Variants in SCFD2 observed in about 807,000 individuals in gnomAD.
SCFD2 encodes sec1 family domain-containing protein 2.
SCFD2 carries 54 observed loss-of-function variants against 58.9 expected under a neutral mutation model. The observed-to-expected ratio is 0.92, with a 90% confidence interval of 0.74 to 1.15. The LOEUF is 1.15. SCFD2 is among the 50% of genes most tolerant of loss of function. SCFD2 has a pLI of 0.00. For missense variants in SCFD2, 805 were observed against 836.6 expected (o/e 0.96, Z 0.47); for synonymous variants, 321 against 335.9 (o/e 0.96, Z 0.49).
chr4:52,910,600 T>A (rs758268418), intron 6 of SCFD2, among the ~76,000 whole-genome samples: 3 of 152,216 alleles, frequency 2.0e-5, no homozygotes, highest in Non-Finnish European at 4.4e-5. Flanking sequence ...TTAAAACTCA[T>A]TAGCAGAATC....
chr4:52,958,793 T>C (rs1378302980), intron 5 of SCFD2, among the ~76,000 whole-genome samples: 1 of 152,216 alleles, frequency 6.6e-6, no homozygotes, highest in African/African-American at 2.4e-5. Context: ...CAAATGGCTC[T>C]TACACTTTTT....
chr4:52,926,759 T>A (rs1000857801), intron 5 of SCFD2, among the ~76,000 whole-genome samples: 1 of 152,062 alleles, frequency 6.6e-6, no homozygotes, highest in African/African-American at 2.4e-5. Context: ...AGGGGCCACC[T>A]CCATGGGCTC....
chr4:52,973,689 T>C (rs1042994928), intron 5 of SCFD2, among the ~76,000 whole-genome samples: 5 of 152,216 alleles, frequency 3.3e-5, no homozygotes, highest in Admixed American at 1.3e-4. Context: ...ATCATCCTGA[T>C]ACCAAAGCCT....
chr4:53,035,989 G>T (rs1217753134), intron 5 of SCFD2, among the ~76,000 whole-genome samples: 4 of 152,058 alleles, frequency 2.6e-5, no homozygotes, highest in African/African-American at 9.7e-5. Context: ...ATACCCAAAG[G>T]ATTATAAATC....
At position 53,078,862 on chromosome 4, in the gene SCFD2, T is replaced by C. The variant is rs77045721; in HGVS notation, c.1561+66471A>G. On this transcript the variant is annotated intron_variant, in intron 5 of 8. Transcript: ENST00000401642. Reference sequence around the variant, plus strand: ...TACTTGCACTTACTCAGCATTTTAGTCAGGGTTCCCAGAGGAACAAAACCA... The same window carrying C: ...TACTTGCACTTACTCAGCATTTTAGCCAGGGTTCCCAGAGGAACAAAACCA... 3.8e-3 allele frequency among the ~76,000 whole-genome samples: 582 copies of C among 152,306 alleles called. 3 individuals carry two copies. The highest frequency in any genetic ancestry group is 0.021 in the East Asian group (107 of 5,186).
intron 4 of SCFD2, among the ~76,000 whole-genome samples, chr4:53,168,824 T>C (rs758183203): frequency 6.6e-5 from 10 of 152,240 alleles, no homozygotes; most frequent in Non-Finnish European, 1.0e-4. Context: ...CACCACACTG[T>C]GCAACAGATC....
intron 5 of SCFD2, among the ~76,000 whole-genome samples, chr4:53,041,461 G>A (rs1439553874): frequency 1.3e-4 from 20 of 152,178 alleles, no homozygotes; most frequent in Non-Finnish European, 7.3e-5. Context: ...ACATTTACCT[G>A]TTTACCATAC....
chr4:53,231,294 C>G (rs181397243), intron 4 of SCFD2, among the ~76,000 whole-genome samples: 3 of 152,120 alleles, frequency 2.0e-5, no homozygotes, highest in Non-Finnish European at 4.4e-5. Context: ...CTAGATAATG[C>G]AAGCCGCACA....
At chr4:53,128,049 T>TAAAAAAAAAAAAAAAAAAAAAAAAAAAA in intron 5 of SCFD2, among the ~76,000 whole-genome samples, 1 of 111,382 alleles carries the variant, frequency 9.0e-6, no homozygotes, top group Non-Finnish European at 1.8e-5. Flanking sequence ...GGCCATGTCC[T>TAAAAAAAAAAAAAAAAAAAAAAAAAAAA]AAAAAAAAAA....
At chr4:53,039,432 G>A (rs1722840043) in intron 5 of SCFD2, among the ~76,000 whole-genome samples, 1 of 152,088 alleles carries the variant, frequency 6.6e-6, no homozygotes. Context: ...ATAGAATGTA[G>A]CCTGAACTTC....
At chr4:52,961,870 G>A (rs1327464341) in intron 5 of SCFD2, among the ~76,000 whole-genome samples, 5 of 152,172 alleles carry the variant, frequency 3.3e-5, no homozygotes, top group African/African-American at 7.2e-5. Flanking sequence ...TGGAATCTGG[G>A]ATAAGCAGAA....
chr4:53,241,718 G>C (rs1470597090), intron 4 of SCFD2, among the ~76,000 whole-genome samples: 1 of 152,190 alleles, frequency 6.6e-6, no homozygotes, highest in East Asian at 1.9e-4. Context: ...TGTGCACCCT[G>C]TCATGCCACT....
intron 4 of SCFD2, among the ~76,000 whole-genome samples, chr4:53,218,609 A>G (rs1728937775): frequency 6.6e-6 from 1 of 152,170 alleles, no homozygotes; most frequent in Admixed American, 6.5e-5. Flanking sequence ...AGCTCAGAGA[A>G]GTTTGATCGT....
intron 6 of SCFD2, among the ~76,000 whole-genome samples, chr4:52,914,537 G>A (rs1236562902): frequency 6.6e-6 from 1 of 152,100 alleles, no homozygotes; most frequent in East Asian, 1.9e-4. Context: ...GAAGAAAAAT[G>A]CCTTATGCTC....
rs1274233614 is a variant in SCFD2 at position 53,053,941 on chromosome 4, A to T, written c.1561+91392T>A. ...AAATATTTGTCTAATTCTTTCAAAG[A>T]ATTAGAATTATTCTTTGTCGCTATT... On this transcript the variant is annotated intron_variant, in intron 5 of 8. Coordinates refer to ENST00000401642, the MANE Select transcript of SCFD2 (RefSeq NM_152540.4). Among the ~76,000 whole-genome samples, 5 of 152,158 alleles carry T rather than the reference A, an allele frequency of 3.3e-5. No individual in the cohort carries two copies. In the South Asian group the frequency reaches 6.2e-4, roughly 19 times the overall value.
intron 5 of SCFD2, among the ~76,000 whole-genome samples, chr4:53,099,410 T>C (rs1724764359): frequency 6.6e-6 from 1 of 152,208 alleles, no homozygotes. Context: ...TAGTAATCTT[T>C]TGAGGGCATC....
intron 5 of SCFD2, among the ~76,000 whole-genome samples, chr4:52,954,507 G>T (rs1445858556): frequency 1.3e-5 from 2 of 152,064 alleles, no homozygotes; most frequent in South Asian, 2.1e-4. Flanking sequence ...TATTCAGTTG[G>T]GCCAAATGAA....
chr4:53,129,730 T>C (rs1553879016), intron 5 of SCFD2, among the ~76,000 whole-genome samples: 1 of 152,244 alleles, frequency 6.6e-6, no homozygotes, highest in Non-Finnish European at 1.5e-5. Flanking sequence ...ATGTGGGACA[T>C]AAATTCAGCA....
intron 5 of SCFD2, chr4:52,958,119 A>T (rs1353890114): frequency 6.6e-6 from 1 of 152,248 alleles, no homozygotes; most frequent in Non-Finnish European, 1.5e-5. Flanking sequence ...CTCTTATTGT[A>T]TCAAAATTGT....
Sources: allele counts gnomAD v4.1 joint callset (sites outside exome capture counted in the v4.1 genomes callset), GRCh38; gene constraint gnomAD v4.1.1; transcripts MANE v1.5; gene names NCBI Gene and HGNC (gene_info 2026-07-23, HGNC 2026-07-21).